SIL1: variants seen among roughly 807,000 people sequenced by gnomAD.
SIL1 encodes nucleotide exchange factor SIL1.
A neutral mutation model predicts 49.1 loss-of-function variants in SIL1; 40 were observed. The ratio of observed to expected loss-of-function variants is 0.81; its 90% CI spans 0.63 to 1.06. The LOEUF (loss-of-function observed/expected upper bound fraction) is 1.06. Among genes scored for constraint, SIL1 ranks in the 50% least tolerant of loss-of-function variants. SIL1 has a pLI of 0.00. For missense variants in SIL1, 500 were observed against 572.6 expected, an observed-to-expected ratio of 0.87 and a Z score of 1.29; for synonymous variants, 253 against 250.8, an observed-to-expected ratio of 1.01 and a Z score of -0.08.
intron 3 of SIL1, among the ~76,000 whole-genome samples, chr5:139,101,242 A>G (rs546569047): frequency 2.6e-5 from 4 of 152,240 alleles, no homozygotes; most frequent in East Asian, 3.9e-4. Flanking sequence ...GGTCACCATC[A>G]TAAGACAGTC....
At chr5:138,952,433 CAG>C (rs1356207905) in intron 7 of SIL1, among the ~76,000 whole-genome samples, 2 of 152,338 alleles carry the variant, frequency 1.3e-5, no homozygotes, top group African/African-American at 4.8e-5. Flanking sequence ...GTGCAAGAGA[CAG>C]GAGCCTCTGA....
chr5:138,972,295 C>T (rs1163549661), intron 7 of SIL1, among the ~76,000 whole-genome samples: 2 of 152,188 alleles, frequency 1.3e-5, no homozygotes, highest in South Asian at 4.1e-4. Flanking sequence ...CTGAGCCTGT[C>T]CCTAGAAATG....
chr5:139,074,415 A>G (rs547648919), intron 3 of SIL1, among the ~76,000 whole-genome samples: 3 of 152,248 alleles, frequency 2.0e-5, no homozygotes, highest in East Asian at 3.8e-4. Flanking sequence ...TTTCCTGTCA[A>G]TTTTTAACAA....
At chr5:139,069,458 T>A (rs1769780623) in intron 3 of SIL1, among the ~76,000 whole-genome samples, 1 of 151,932 alleles carries the variant, frequency 6.6e-6, no homozygotes, top group Non-Finnish European at 1.5e-5. Flanking sequence ...AACAAACTAA[T>A]AAACAATGAA....
chr5:139,055,044 T>C (rs1456112582), intron 3 of SIL1, among the ~76,000 whole-genome samples: 4 of 152,020 alleles, frequency 2.6e-5, no homozygotes, highest in Non-Finnish European at 4.4e-5. Context: ...GAAAACAAGA[T>C]ACATACAGGT....
At chr5:139,063,658 A>T (rs1300606613) in intron 3 of SIL1, among the ~76,000 whole-genome samples, 2 of 152,218 alleles carry the variant, frequency 1.3e-5, no homozygotes, top group African/African-American at 4.8e-5. Flanking sequence ...GAGGGAAACA[A>T]ATTGGAAGTG....
At chr5:139,166,728 T>G (rs928386544) in intron 1 of SIL1, among the ~76,000 whole-genome samples, 5 of 152,160 alleles carry the variant, frequency 3.3e-5, no homozygotes, top group Admixed American at 1.3e-4. Flanking sequence ...CACTGGAGCC[T>G]CAACTTTCCA....
At position 139,069,466 on chromosome 5, in the gene SIL1, GAAGA is replaced by G. The variant is rs377709445; in HGVS notation, c.245-18424_245-18421del. Among the ~76,000 whole-genome samples the G allele has an allele frequency of 4.0e-3, 613 of 152,104 alleles. 6 individuals are homozygous for G. Among genetic ancestry groups the G allele is most frequent in the African/African-American group, 9.6e-3 (399 of 41,510 alleles). ...GGTTTGTAACAAACTAATAAACAAT[GAAGA>G]AAGACAAAAGAAGACCCAACATAAA... On this transcript the variant is annotated intron_variant, in intron 3 of 9. Transcript: ENST00000394817.
intron 1 of SIL1, among the ~76,000 whole-genome samples, chr5:139,153,863 A>G (rs1241098331): frequency 1.3e-5 from 2 of 152,202 alleles, no homozygotes; most frequent in African/African-American, 4.8e-5. Context: ...CTCTTTCCAC[A>G]GTACCCCAAG....
At chr5:139,014,400 C>A (rs1327713191) in intron 7 of SIL1, among the ~76,000 whole-genome samples, 1 of 150,328 alleles carries the variant, frequency 6.7e-6, no homozygotes, top group Non-Finnish European at 1.5e-5. Context: ...GTTTAGGAGT[C>A]CAACAACAAA....
At chr5:139,024,587 G>A (rs910275494) in intron 6 of SIL1, among the ~76,000 whole-genome samples, 2 of 152,236 alleles carry the variant, frequency 1.3e-5, no homozygotes, top group African/African-American at 4.8e-5. Context: ...TTGAGGATCT[G>A]TGTCTTGACA....
intron 3 of SIL1, among the ~76,000 whole-genome samples, chr5:139,093,190 C>G (rs1305244467): frequency 6.6e-6 from 1 of 152,230 alleles, no homozygotes; most frequent in Non-Finnish European, 1.5e-5. Flanking sequence ...CCTGCTCTGT[C>G]ACCACATGAT....
chr5:139,064,356 G>A (rs2150467507), intron 3 of SIL1, among the ~76,000 whole-genome samples: 1 of 152,286 alleles, frequency 6.6e-6, no homozygotes, highest in East Asian at 1.9e-4. Context: ...TTATTGTTGT[G>A]GGGTGGTGTG....
intron 3 of SIL1, among the ~76,000 whole-genome samples, chr5:139,098,346 G>GA (rs1212670613): frequency 1.3e-5 from 2 of 152,178 alleles, no homozygotes; most frequent in African/African-American, 4.8e-5. Context: ...CTGGGGAATA[G>GA]ATGGTCTCTT....
At chr5:138,952,337 C>A (rs1417586542) in intron 7 of SIL1, among the ~76,000 whole-genome samples, 1 of 152,250 alleles carries the variant, frequency 6.6e-6, no homozygotes, top group African/African-American at 2.4e-5. Context: ...TCTGGTGCCC[C>A]AAGGCCAGGG....
chr5:139,155,875 C>G (rs1209734090), intron 1 of SIL1, among the ~76,000 whole-genome samples: 1 of 152,008 alleles, frequency 6.6e-6, no homozygotes, highest in Non-Finnish European at 1.5e-5. Flanking sequence ...CTCTGTTGCC[C>G]AGGCTGGAGT....
At chr5:139,178,898 T>G (rs1258955354) in intron 1 of SIL1, among the ~76,000 whole-genome samples, 2 of 152,154 alleles carry the variant, frequency 1.3e-5, no homozygotes, top group East Asian at 3.9e-4. Context: ...AAAATAAAAT[T>G]TCAGAGAGAA....
chr5:138,976,653 C>T (rs1767399915), intron 7 of SIL1, among the ~76,000 whole-genome samples: 1 of 152,072 alleles, frequency 6.6e-6, no homozygotes, highest in Non-Finnish European at 1.5e-5. Context: ...TCAGAGGAAG[C>T]ACATAGTAGG....
At position 138,956,628 on chromosome 5, in the gene SIL1, A is replaced by G. The variant is rs1766908079; in HGVS notation, c.768-4744T>C. ...TGTGGTGTCAGGCACCTGTAATCTCAGCTACTCGGGAGGCTAAGGCAGGAG... is the reference window on the plus strand; with the variant it reads ...TGTGGTGTCAGGCACCTGTAATCTCGGCTACTCGGGAGGCTAAGGCAGGAG... On this transcript the variant is annotated intron_variant, in intron 7 of 9. Transcript: ENST00000394817. 2.6e-5 allele frequency among the ~76,000 whole-genome samples: 4 copies of G among 152,110 alleles called. No individual in the cohort carries two copies. In the South Asian group the frequency reaches 8.3e-4, roughly 32 times the overall value.
Sources: allele counts gnomAD v4.1 joint callset (sites outside exome capture counted in the v4.1 genomes callset), GRCh38; gene constraint gnomAD v4.1.1; transcripts MANE v1.5; gene names NCBI Gene and HGNC (gene_info 2026-07-23, HGNC 2026-07-21).